PFDN1: variants seen among roughly 807,000 people sequenced by gnomAD.
PFDN1 encodes prefoldin 1.
In PFDN1, 6 loss-of-function variants were observed where a neutral mutation model predicts 17.3. The ratio of observed to expected loss-of-function variants is 0.35; its 90% CI spans 0.19 to 0.69. PFDN1 has a LOEUF of 0.69. Ranked by LOEUF, PFDN1 falls within the 30% of genes least tolerant of loss-of-function variation. The pLI is 0.65. For synonymous variants in PFDN1, 58 were observed against 50.1 expected (o/e 1.16, Z -0.67); for missense variants, 113 against 146.2 (o/e 0.77, Z 1.17).
At chr5:140,250,026 C>T (rs577842447) in intron 3 of PFDN1, among the ~76,000 whole-genome samples, 30 of 152,242 alleles carry the variant, frequency 2.0e-4, no homozygotes, top group Middle Eastern at 6.8e-3. Flanking sequence ...ATTTCCAGTG[C>T]GGTGCTGTGC....
rs760860868 is a variant in PFDN1 at position 140,245,683 on chromosome 5, G to A, written c.*291C>T. ...GTCTGGCTGGCGTGCCTAGTGGAAA[G>A]CTCAGGCAGAGCTTCCTATCTTGCC... is the stretch of plus-strand genomic sequence containing the variant. On this transcript the variant is annotated 3_prime_UTR_variant, in exon 4 of 4. Coordinates refer to ENST00000261813, the MANE Select transcript of PFDN1 (RefSeq NM_002622.5). 8 of 634,722 alleles carry A rather than the reference G, an allele frequency of 1.3e-5. No individual in the cohort carries two copies. The highest frequency in any genetic ancestry group is 2.2e-5 in the Non-Finnish European group (8 of 355,932). 39.3% of individuals were successfully genotyped at this position (634,722 alleles called of 1,614,324 possible). A position where few individuals can be genotyped will look rare whatever the true frequency, so the allele number is the denominator to read the frequency against.
chr5:140,282,440 A>G (rs895499271), intron 2 of PFDN1, among the ~76,000 whole-genome samples: 15 of 148,588 alleles, frequency 1.0e-4, no homozygotes, highest in African/African-American at 3.7e-4. Context: ...GTAACTCATG[A>G]CCTTTTAAAG....
intron 3 of PFDN1, among the ~76,000 whole-genome samples, chr5:140,257,502 T>A (rs953637015): frequency 6.6e-6 from 1 of 152,240 alleles, no homozygotes; most frequent in Non-Finnish European, 1.5e-5. Flanking sequence ...TTCATTCACA[T>A]CTTAGCTGAA....
In PFDN1 at chr5:140,275,408, C is replaced by CAAA. The variant is rs34009092; in HGVS notation, c.285+6038_285+6040dup. ...TGGGAGACAGAACGAGACTCTGTCTCAAAAAAAAAAAAAAAAGACAGTGCT... is the reference window on the plus strand; with the variant it reads ...TGGGAGACAGAACGAGACTCTGTCTCAAAAAAAAAAAAAAAAAAAGACAGTGCT... On this transcript the variant is annotated intron_variant, in intron 3 of 3. Transcript: ENST00000261813. 8.4e-5 allele frequency among the ~76,000 whole-genome samples: 9 copies of CAAA among 106,756 alleles called. No homozygotes were observed. The East Asian group carries it at 1.5e-3, about 18-fold the overall frequency. 70.0% of individuals were successfully genotyped at this position (106,756 alleles called of 152,430 possible).
chr5:140,282,527 C>T (rs1210653063), intron 2 of PFDN1, among the ~76,000 whole-genome samples: 6 of 151,800 alleles, frequency 4.0e-5, no homozygotes, highest in Admixed American at 3.3e-4. Flanking sequence ...CTGTATAAGC[C>T]TTAGTATCTT....
In PFDN1 at chr5:140,245,538, G is replaced by A. The variant is rs1233261497; in HGVS notation, c.*436C>T. On this transcript the variant is annotated 3_prime_UTR_variant, in exon 4 of 4. Transcript: ENST00000261813. ...AGGCCCATCCCCCAAGAAAGGAAGGGCTCTGATGCAGAGGGAGCAGGAGCT... is the reference window on the plus strand; with the variant it reads ...AGGCCCATCCCCCAAGAAAGGAAGGACTCTGATGCAGAGGGAGCAGGAGCT... 1.4e-6 allele frequency: 1 copy of A among 702,636 alleles called. No individual in the cohort carries two copies. Among genetic ancestry groups the A allele is most frequent in the Non-Finnish European group, 2.6e-6 (1 of 385,010 alleles). The allele number at this position is 702,636 out of a possible 1,614,324, so 43.5% of individuals were successfully genotyped here.
At chr5:140,283,974 A>T (rs1765449346) in intron 2 of PFDN1, among the ~76,000 whole-genome samples, 1 of 152,236 alleles carries the variant, frequency 6.6e-6, no homozygotes, top group African/African-American at 2.4e-5. Context: ...TTCTCAAATA[A>T]AAGGTCATCA....
At chr5:140,266,634 A>G (rs1032221301) in intron 3 of PFDN1, among the ~76,000 whole-genome samples, 1 of 152,272 alleles carries the variant, frequency 6.6e-6, no homozygotes, top group Non-Finnish European at 1.5e-5. Context: ...TACGAAAATC[A>G]ATAAACTTCA....
At chr5:140,283,830 A>G (rs572102422) in intron 2 of PFDN1, among the ~76,000 whole-genome samples, 3 of 152,244 alleles carry the variant, frequency 2.0e-5, no homozygotes, top group Non-Finnish European at 4.4e-5. Flanking sequence ...ACTATTCTAA[A>G]ACAAGGTGCA....
At chr5:140,255,029 G>A (rs1386463801) in intron 3 of PFDN1, among the ~76,000 whole-genome samples, 2 of 152,114 alleles carry the variant, frequency 1.3e-5, no homozygotes, top group South Asian at 4.2e-4. Flanking sequence ...TGTGCTGAAT[G>A]GTCTCACTTT....
chr5:140,289,169 C>T (rs2126697819), intron 2 of PFDN1, among the ~76,000 whole-genome samples: 1 of 151,818 alleles, frequency 6.6e-6, no homozygotes, highest in Middle Eastern at 3.4e-3. Context: ...TGCCTGTAAT[C>T]CCAACTATTT....
intron 2 of PFDN1, among the ~76,000 whole-genome samples, chr5:140,285,956 T>C (rs1765480839): frequency 6.6e-6 from 1 of 151,894 alleles, no homozygotes; most frequent in South Asian, 2.1e-4. Context: ...CCAGGCAACA[T>C]AGCAATGCCC....
At chr5:140,277,453 A>G (rs778262404) in intron 3 of PFDN1, among the ~76,000 whole-genome samples, 19 of 152,174 alleles carry the variant, frequency 1.2e-4, no homozygotes, top group African/African-American at 4.6e-4. Flanking sequence ...AGGAAATATC[A>G]TTAATAAACA....
chr5:140,289,041 T>C (rs1765540290), intron 2 of PFDN1, among the ~76,000 whole-genome samples: 1 of 151,962 alleles, frequency 6.6e-6, no homozygotes, highest in Non-Finnish European at 1.5e-5. Context: ...ATCCCAGCAC[T>C]TTGGGAGGCT....
At chr5:140,276,913 GTA>G (rs1561507404) in intron 3 of PFDN1, among the ~76,000 whole-genome samples, 1 of 151,788 alleles carries the variant, frequency 6.6e-6, no homozygotes, top group African/African-American at 2.4e-5. Context: ...GGCCTTCAAG[GTA>G]TGTTAAAAAG....
At chr5:140,293,843 T>C (rs951465689) in intron 2 of PFDN1, among the ~76,000 whole-genome samples, 4 of 152,090 alleles carry the variant, frequency 2.6e-5, no homozygotes, top group African/African-American at 9.7e-5. Flanking sequence ...CATCTGGGGT[T>C]ATATACATAT....
intron 1 of PFDN1, among the ~76,000 whole-genome samples, chr5:140,300,923 C>T (rs969460297): frequency 1.3e-5 from 2 of 152,194 alleles, no homozygotes; most frequent in Non-Finnish European, 2.9e-5. Context: ...TAATAACTCA[C>T]TACATTTGTA....
chr5:140,276,142 A>G lies in PFDN1; in HGVS notation c.285+5307T>C, dbSNP rs529918445. 9.8e-5 allele frequency among the ~76,000 whole-genome samples: 15 copies of G among 152,344 alleles called. No individual in the cohort carries two copies. In the South Asian group the frequency reaches 2.9e-3, roughly 29 times the overall value. On this transcript the variant is annotated intron_variant, in intron 3 of 3. Coordinates refer to ENST00000261813, the MANE Select transcript of PFDN1 (RefSeq NM_002622.5). ...AAGAAGAGACTGCAGATTTGAAAACAGGAGCAACACCAAGGACTTGGGGAA... is the reference window on the plus strand; with the variant it reads ...AAGAAGAGACTGCAGATTTGAAAACGGGAGCAACACCAAGGACTTGGGGAA...
At chr5:140,272,607 C>G (rs1765224562) in intron 3 of PFDN1, among the ~76,000 whole-genome samples, 1 of 152,098 alleles carries the variant, frequency 6.6e-6, no homozygotes, top group Admixed American at 6.6e-5. Context: ...ATCTACCCGC[C>G]TCAGCCTCCC....
Sources: gnomAD v4.1 joint callset for allele counts (sites outside exome capture counted in the v4.1 genomes callset) on GRCh38, gnomAD v4.1.1 for gene constraint, MANE v1.5 for transcripts, NCBI Gene and HGNC (gene_info 2026-07-23, HGNC 2026-07-21) for gene names.